The following UBE2D2 variants were observed in gnomAD, a reference collection of about 807,000 sequenced individuals.
The protein encoded by UBE2D2 is ubiquitin-conjugating enzyme E2 D2.
UBE2D2 carries 2 observed loss-of-function variants against 24.2 expected under a neutral mutation model. The ratio of observed to expected loss-of-function variants is 0.08; its 90% CI spans 0.03 to 0.26. The LOEUF (loss-of-function observed/expected upper bound fraction) is 0.26. Among genes scored for constraint, UBE2D2 ranks in the 10% least tolerant of loss-of-function variants. UBE2D2 has a pLI of 1.00. For missense variants in UBE2D2, 44 were observed against 177.6 expected, an observed-to-expected ratio of 0.25 and a Z score of 4.28; for synonymous variants, 58 against 56.5, an observed-to-expected ratio of 1.03 and a Z score of -0.12.
intron 1 of UBE2D2, among the ~76,000 whole-genome samples, chr5:139,541,716 TGAGCAAC>T (rs1752764671): frequency 6.7e-6 from 1 of 150,334 alleles, no homozygotes; most frequent in Non-Finnish European, 1.5e-5. Flanking sequence ...GAGTTTAGCC[TGAGCAAC>T]ATAACTAGAA....
intron 1 of UBE2D2, among the ~76,000 whole-genome samples, chr5:139,570,477 A>G (rs1753328856): frequency 6.6e-6 from 1 of 151,860 alleles, no homozygotes; most frequent in Admixed American, 6.6e-5. Context: ...AGTTGCTGGG[A>G]CCACAGGTGC....
At chr5:139,546,817 T>TCTTTCTTTCTTCCTTCCTTC (rs1203962652) in intron 1 of UBE2D2, among the ~76,000 whole-genome samples, 3 of 138,302 alleles carry the variant, frequency 2.2e-5, no homozygotes, top group Non-Finnish European at 3.1e-5. Context: ...CTTCTTTCTT[T>TCTTTCTTTCTTCCTTCCTTC]CTTCCTTCCT....
In UBE2D2 at chr5:139,549,519, C is replaced by T. The variant is rs1351243277; in HGVS notation, c.-64+22907C>T. 3.9e-5 allele frequency among the ~76,000 whole-genome samples: 6 copies of T among 152,248 alleles called. No homozygotes were observed. The East Asian group carries it at 1.2e-3, about 29-fold the overall frequency. On this transcript the variant is annotated intron_variant, in intron 1 of 6. Coordinates refer to the UBE2D2 transcript ENST00000511725. ...CGCTGTGGAGGGTGCACTGGGTCCC[C>T]CAGCACTGCAGGCCCACCTGCTCTG...
rs111318549 is a variant in UBE2D2 at position 139,627,018 on chromosome 5, A to C, written c.*217A>C. On this transcript the variant is annotated 3_prime_UTR_variant, in exon 7 of 7. Coordinates refer to ENST00000398733, the MANE Select transcript of UBE2D2 (RefSeq NM_003339.3). ...TACCAACATTGCCTCCTAGCAGAGA[A>C]GTGTGTGTGTGACAAGCCAGTTCTA... is the stretch of plus-strand genomic sequence containing the variant. The C allele has an allele frequency of 6.0e-4, 299 of 502,058 alleles. 3 individuals are homozygous for C. The Middle Eastern group carries it at 6.4e-3, about 11-fold the overall frequency. 31.1% of individuals were successfully genotyped at this position (502,058 alleles called of 1,614,324 possible).
In UBE2D2 at chr5:139,551,360, AAAG is replaced by A. The variant is rs759871334; in HGVS notation, c.-64+24751_-64+24753del. 3.3e-5 allele frequency among the ~76,000 whole-genome samples: 5 copies of A among 152,318 alleles called. No homozygotes were observed. The East Asian group carries it at 9.6e-4, about 29-fold the overall frequency. On this transcript the variant is annotated intron_variant, in intron 1 of 6. Coordinates refer to the UBE2D2 transcript ENST00000511725. ...GTGAAACTCCATCTCAAAGAAAAAA[AAAG>A]AATATTTCTCCAGGAGAACTCCACA...
chr5:139,536,554 C>A (rs540882680), intron 1 of UBE2D2, among the ~76,000 whole-genome samples: 2 of 152,026 alleles, frequency 1.3e-5, no homozygotes, highest in South Asian at 4.1e-4. Context: ...AGTAGAGACG[C>A]CCTGTTGTCC....
intron 1 of UBE2D2, among the ~76,000 whole-genome samples, chr5:139,586,089 A>G (rs541704591): frequency 6.6e-6 from 1 of 152,170 alleles, no homozygotes; most frequent in Admixed American, 6.6e-5. Flanking sequence ...TCATCCTAAG[A>G]AAGATAAGTC....
intron 1 of UBE2D2, among the ~76,000 whole-genome samples, chr5:139,567,568 C>T (rs1182722440): frequency 7.8e-6 from 1 of 127,840 alleles, no homozygotes; most frequent in African/African-American, 3.1e-5. Flanking sequence ...GAGTCTCGCT[C>T]TGTTGCCCAG....
intron 1 of UBE2D2, among the ~76,000 whole-genome samples, chr5:139,575,908 C>G (rs1266066027): frequency 6.6e-6 from 1 of 152,118 alleles, no homozygotes; most frequent in Non-Finnish European, 1.5e-5. Context: ...GTCATAGCTA[C>G]TGGGAAGACT....
rs187048146 is a variant in UBE2D2, at chr5:139,619,360, T to C, written c.305-4008T>C. On this transcript the variant is annotated intron_variant, in intron 5 of 6. Coordinates refer to ENST00000398733, the MANE Select transcript of UBE2D2 (RefSeq NM_003339.3). ...GCAGTGAGCCAACATCACACCACTG[T>C]GCTCCAGCCTGGGCAACAGAGCAAG... Among the ~76,000 whole-genome samples, 39 of 149,204 alleles carry C rather than the reference T, an allele frequency of 2.6e-4. 1 individual carries two copies. Among genetic ancestry groups the C allele is most frequent in the African/African-American group, 9.2e-4 (37 of 40,330 alleles).
At chr5:139,587,305 C>T (rs988603541) in intron 1 of UBE2D2, among the ~76,000 whole-genome samples, 9 of 152,070 alleles carry the variant, frequency 5.9e-5, no homozygotes, top group African/African-American at 1.4e-4. Flanking sequence ...CTGCTCCATC[C>T]GGAGGGATGG....
intron 1 of UBE2D2, among the ~76,000 whole-genome samples, chr5:139,585,210 CTTT>C (rs561161810): frequency 5.8e-5 from 8 of 137,182 alleles, no homozygotes; most frequent in Admixed American, 1.5e-4. Flanking sequence ...GCGTGCAGGT[CTTT>C]TTTTTTTTTT....
At chr5:139,594,972 T>C (rs1175774466) in intron 1 of UBE2D2, among the ~76,000 whole-genome samples, 3 of 152,150 alleles carry the variant, frequency 2.0e-5, no homozygotes, top group Admixed American at 6.6e-5. Flanking sequence ...CCTAATACAG[T>C]GTAAGTGCTC....
chr5:139,621,993 T>C (rs113795348), intron 5 of UBE2D2, among the ~76,000 whole-genome samples: 1 of 152,184 alleles, frequency 6.6e-6, no homozygotes, highest in South Asian at 2.1e-4. Flanking sequence ...AAAAATGTTC[T>C]TGGTCTAGAA....
At position 139,617,543 on chromosome 5, in the gene UBE2D2, A is replaced by C. The variant is rs1021205066; in HGVS notation, c.304+2577A>C. Among the ~76,000 whole-genome samples the C allele has an allele frequency of 2.9e-4, 44 of 151,600 alleles. 1 individual carries two copies. Among genetic ancestry groups the C allele is most frequent in the Admixed American group, 2.9e-3 (44 of 15,226 alleles). ...AGGCACCCACCACCACGCCTGGCTA[A>C]TTTTTGTATTTTTAGTAGAAATTAT... On this transcript the variant is annotated intron_variant, in intron 5 of 6. Coordinates refer to ENST00000398733, the MANE Select transcript of UBE2D2 (RefSeq NM_003339.3).
At chr5:139,550,845 A>G (rs997593763) in intron 1 of UBE2D2, among the ~76,000 whole-genome samples, 1 of 152,168 alleles carries the variant, frequency 6.6e-6, no homozygotes, top group Non-Finnish European at 1.5e-5. Context: ...TCTGAACATC[A>G]GAAAGAACAA....
chr5:139,592,452 CAG>C (rs953511341), intron 1 of UBE2D2, among the ~76,000 whole-genome samples: 62 of 152,218 alleles, frequency 4.1e-4, no homozygotes, highest in African/African-American at 1.4e-3. Context: ...GGCTCCACCT[CAG>C]AGTTTCTGAC....
At chr5:139,593,317 T>C (rs1753886232) in intron 1 of UBE2D2, among the ~76,000 whole-genome samples, 1 of 152,124 alleles carries the variant, frequency 6.6e-6, no homozygotes, top group Admixed American at 6.6e-5. Context: ...TTCTAACTTG[T>C]ACATTTCTAA....
intron 6 of UBE2D2, chr5:139,623,791 A>T (rs1035275525): frequency 5.4e-5 from 9 of 168,210 alleles, no homozygotes; most frequent in African/African-American, 2.1e-4. Flanking sequence ...TCCTGGGTTC[A>T]AGTGATTCTC....
Sources: allele counts gnomAD v4.1 joint callset (sites outside exome capture counted in the v4.1 genomes callset), GRCh38; gene constraint gnomAD v4.1.1; transcripts MANE v1.5; gene names NCBI Gene and HGNC (gene_info 2026-07-23, HGNC 2026-07-21).